The following CCDC60 variants were observed in gnomAD, a reference collection of about 807,000 sequenced individuals.
The protein encoded by CCDC60 is coiled-coil domain containing 60, also known as coiled-coil domain-containing protein 60.
A neutral mutation model predicts 63.5 loss-of-function variants in CCDC60; 54 were observed. That is an observed-to-expected ratio of 0.85 (90% CI 0.68 to 1.07). The LOEUF is 1.07. CCDC60 is among the 50% of genes least tolerant of loss of function. The pLI is 0.00. For synonymous variants in CCDC60, 206 were observed against 238.8 expected (o/e 0.86, Z 1.27); for missense variants, 651 against 684.3 (o/e 0.95, Z 0.54).
rs754446997 is a variant in CCDC60, at chr12:119,410,466, G to T, written c.91-18217G>T. 6.6e-6 allele frequency among the ~76,000 whole-genome samples: 1 copy of T among 152,016 alleles called. No homozygotes were observed. The highest frequency in any genetic ancestry group is 1.5e-5 in the Non-Finnish European group (1 of 68,010). ...TCCTTCACTGGGCCCTCACCCCTAAGCTGATTTTGCCGAAATGGCTTCTCA... is the reference window on the plus strand; with the variant it reads ...TCCTTCACTGGGCCCTCACCCCTAATCTGATTTTGCCGAAATGGCTTCTCA... On this transcript the variant is annotated intron_variant, in intron 1 of 13. Coordinates refer to ENST00000327554, the MANE Select transcript of CCDC60 (RefSeq NM_178499.5). The surrounding 1 kb of genome is among the most constrained non-coding windows in gnomAD (Gnocchi z 4.0).
chr12:119,450,139 T>C (rs1478098456), intron 2 of CCDC60, among the ~76,000 whole-genome samples: 1 of 152,106 alleles, frequency 6.6e-6, no homozygotes, highest in Non-Finnish European at 1.5e-5. Flanking sequence ...GAGGCCATTA[T>C]CTTAAGTGAA....
intron 1 of CCDC60, among the ~76,000 whole-genome samples, chr12:119,362,740 GT>G (rs954399308): frequency 3.3e-5 from 5 of 152,100 alleles, no homozygotes; most frequent in Non-Finnish European, 7.3e-5. Flanking sequence ...TCTTTTACAT[GT>G]CTTTTGGGTG....
chr12:119,365,614 G>C (rs555082962), intron 1 of CCDC60, among the ~76,000 whole-genome samples: 2 of 152,224 alleles, frequency 1.3e-5, no homozygotes, highest in South Asian at 4.1e-4. Context: ...AAGGGCAAAG[G>C]GATCTATCAG....
chr12:119,464,555 G>A (rs1408676151), intron 2 of CCDC60, among the ~76,000 whole-genome samples: 2 of 152,002 alleles, frequency 1.3e-5, no homozygotes, highest in Admixed American at 1.3e-4. Context: ...TTGGCCAAGG[G>A]AACCCCCGAA....
At chr12:119,482,129 T>G in intron 4 of CCDC60, among the ~76,000 whole-genome samples, 1 of 145,856 alleles carries the variant, frequency 6.9e-6, no homozygotes. Context: ...TATACATATA[T>G]ATACACATAT....
rs955214473 is a variant in CCDC60, at chr12:119,540,477, G to C, written c.1552-137G>C. 7 of 679,616 alleles carry C rather than the reference G, an allele frequency of 1.0e-5. No individual in the cohort carries two copies. The African/African-American group carries it at 1.2e-4, about 12-fold the overall frequency. 42.1% of individuals were successfully genotyped at this position (679,616 alleles called of 1,614,324 possible). A position where few individuals can be genotyped will look rare whatever the true frequency, so the allele number is the denominator to read the frequency against. ...GGACCACCCCAATCTGATGCTCCAA[G>C]ATTATGAATGCCCAAATGGTATTCC... On this transcript the variant is annotated intron_variant, in intron 13 of 13. Coordinates refer to ENST00000327554, the MANE Select transcript of CCDC60 (RefSeq NM_178499.5).
intron 1 of CCDC60, among the ~76,000 whole-genome samples, chr12:119,397,543 C>T (rs1018378889): frequency 3.3e-5 from 5 of 151,196 alleles, no homozygotes; most frequent in Non-Finnish European, 5.9e-5. Flanking sequence ...ATTGGTGCAT[C>T]CATGAACCCC....
intron 7 of CCDC60, among the ~76,000 whole-genome samples, chr12:119,507,555 T>G (rs1458991910): frequency 1.4e-5 from 1 of 69,192 alleles, no homozygotes; most frequent in Non-Finnish European, 2.4e-5. Flanking sequence ...TATATACATA[T>G]ATATATATAT....
At chr12:119,452,416 G>A (rs900905006) in intron 2 of CCDC60, among the ~76,000 whole-genome samples, 9 of 152,124 alleles carry the variant, frequency 5.9e-5, no homozygotes, top group African/African-American at 2.2e-4. Flanking sequence ...TTATCTTGAA[G>A]AATGGCTGAG....
chr12:119,385,810 G>T (rs2136189290), intron 1 of CCDC60, among the ~76,000 whole-genome samples: 1 of 152,282 alleles, frequency 6.6e-6, no homozygotes, highest in South Asian at 2.1e-4. Context: ...GCCAGTCGCT[G>T]CTCCCCCTCC....
chr12:119,524,532 C>G, intron 11 of CCDC60: 2 of 769,354 alleles, frequency 2.6e-6, no homozygotes, highest in South Asian at 5.8e-5. Flanking sequence ...AAGACTAATC[C>G]TTGCCCTTTC....
At chr12:119,476,877 C>T (rs1951187888) in intron 3 of CCDC60, among the ~76,000 whole-genome samples, 1 of 152,200 alleles carries the variant, frequency 6.6e-6, no homozygotes, top group Admixed American at 6.5e-5. Flanking sequence ...TTTCCCTCCT[C>T]CATTTACCCA....
intron 2 of CCDC60, chr12:119,433,524 G>T: frequency 1.4e-6 from 1 of 702,324 alleles, no homozygotes; most frequent in Non-Finnish European, 2.6e-6. Flanking sequence ...AAGGAATCAG[G>T]ATTCCCCTTC....
At chr12:119,384,624 C>T (rs1247482042) in intron 1 of CCDC60, among the ~76,000 whole-genome samples, 1 of 152,208 alleles carries the variant, frequency 6.6e-6, no homozygotes, top group Non-Finnish European at 1.5e-5. Flanking sequence ...TGGTGGCTAA[C>T]TTTACAAGGG....
chr12:119,517,387 T>A (rs1292564654), intron 8 of CCDC60, among the ~76,000 whole-genome samples: 1 of 152,096 alleles, frequency 6.6e-6, no homozygotes, highest in African/African-American at 2.4e-5. Flanking sequence ...CTCCTTTGAG[T>A]GAATATTTAT....
Position 119,444,407 on chromosome 12 carries a change from G to A in CCDC60, c.170+15645G>A, listed in dbSNP as rs74861977. On this transcript the variant is annotated intron_variant, in intron 2 of 13. Coordinates refer to ENST00000327554, the MANE Select transcript of CCDC60 (RefSeq NM_178499.5). Reference sequence around the variant, plus strand: ...TCATAGTCTCGTCACTGGGAGAAAAGTGAATAAGAACATCATAAGGGCCAT... The same window carrying A: ...TCATAGTCTCGTCACTGGGAGAAAAATGAATAAGAACATCATAAGGGCCAT... Among the ~76,000 whole-genome samples, 671 of 152,298 alleles carry A rather than the reference G, an allele frequency of 4.4e-3. 5 individuals carry two copies. Among genetic ancestry groups the A allele is most frequent in the African/African-American group, 0.015 (632 of 41,564 alleles).
At position 119,505,185 on chromosome 12, in the gene CCDC60, C is replaced by T. The variant is rs779337743; in HGVS notation, c.765C>T (p.Ile255=). 6.2e-7 allele frequency: 1 copy of T among 1,614,156 alleles called. No individual in the cohort carries two copies. The highest frequency in any genetic ancestry group is 1.3e-5 in the African/African-American group (1 of 75,056). The change falls in exon 7 of 14, where the codon ATC becomes ATT. Residue 255 remains isoleucine (I), a synonymous_variant. Transcript: ENST00000327554. The part of the protein sequence containing the change: ...SGGSSPQSSM[I]SVNPGSDEPP... Reference sequence around the variant, plus strand: ...GGTCCTCTCCCCAGAGCAGCATGATCTCTGTGAACCCTGGCTCGGATGAGC... The same window carrying T: ...GGTCCTCTCCCCAGAGCAGCATGATTTCTGTGAACCCTGGCTCGGATGAGC...
At chr12:119,481,524 T>C (rs1346069134) in intron 4 of CCDC60, among the ~76,000 whole-genome samples, 1 of 152,216 alleles carries the variant, frequency 6.6e-6, no homozygotes, top group African/African-American at 2.4e-5. Flanking sequence ...CTTACCCATC[T>C]TCTGTCAATG....
At chr12:119,387,817 T>C (rs922525595) in intron 1 of CCDC60, among the ~76,000 whole-genome samples, 5 of 152,102 alleles carry the variant, frequency 3.3e-5, no homozygotes, top group Non-Finnish European at 7.4e-5. Flanking sequence ...TTTCCCTAGG[T>C]CCCCTCTGAC....
Sources: allele counts gnomAD v4.1 joint callset (sites outside exome capture counted in the v4.1 genomes callset), GRCh38; gene constraint gnomAD v4.1.1; non-coding constraint Gnocchi (gnomAD v3.1); transcripts MANE v1.5; gene names NCBI Gene and HGNC (gene_info 2026-07-23, HGNC 2026-07-21).